ZBBX: variants seen among roughly 807,000 people sequenced by gnomAD.
ZBBX encodes the protein zinc finger B-box domain containing.
Under a neutral mutation model 108.5 loss-of-function variants are expected in ZBBX, and 101 were observed. The ratio of observed to expected loss-of-function variants is 0.93; its 90% CI spans 0.79 to 1.10. The LOEUF is 1.10. ZBBX is among the 50% of genes least tolerant of loss of function. The pLI is 0.00. For synonymous variants in ZBBX, 356 were observed against 323.4 expected, an observed-to-expected ratio of 1.10 and a Z score of -1.08; for missense variants, 1,009 against 941.4, an observed-to-expected ratio of 1.07 and a Z score of -0.94.
At chr3:167,264,584 G>C (rs886227982) in intron 20 of ZBBX, among the ~76,000 whole-genome samples, 13 of 152,136 alleles carry the variant, frequency 8.5e-5, no homozygotes, top group African/African-American at 2.7e-4. Context: ...GTCTTGAAAA[G>C]TTGTTATAGT....
At chr3:167,349,008 T>C (rs1406202526) in intron 9 of ZBBX, among the ~76,000 whole-genome samples, 1 of 151,782 alleles carries the variant, frequency 6.6e-6, no homozygotes, top group Non-Finnish European at 1.5e-5. Context: ...GCAAAGTCTA[T>C]CTTTTGAAAT....
At chr3:167,394,956 G>A (rs957094202) in intron 1 of ZBBX, among the ~76,000 whole-genome samples, 1 of 152,044 alleles carries the variant, frequency 6.6e-6, no homozygotes, top group African/African-American at 2.4e-5. Flanking sequence ...GCTCTGTCTT[G>A]TGAGCCATGA....
intron 11 of ZBBX, among the ~76,000 whole-genome samples, chr3:167,325,030 A>G (rs1030562282): frequency 5.3e-5 from 8 of 152,148 alleles, no homozygotes; most frequent in African/African-American, 1.9e-4. Context: ...ACAAAACACT[A>G]AGATCCAAAT....
At chr3:167,315,917 A>AC in intron 14 of ZBBX, 88 bp from the exon 15 acceptor site, 1 of 746,894 alleles carries the variant, frequency 1.3e-6, no homozygotes. Flanking sequence ...TATTTGGAGT[A>AC]CATTTTTCCT....
intron 1 of ZBBX, among the ~76,000 whole-genome samples, chr3:167,403,681 G>A (rs1408726931): frequency 1.3e-5 from 2 of 152,046 alleles, no homozygotes; most frequent in East Asian, 3.8e-4. Flanking sequence ...AATTTGATGA[G>A]TGTCCTCTAT....
At chr3:167,351,928 C>T (rs566904748) in intron 8 of ZBBX, among the ~76,000 whole-genome samples, 1 of 152,258 alleles carries the variant, frequency 6.6e-6, no homozygotes, top group East Asian at 1.9e-4. Context: ...GAATGTTCTG[C>T]CCTTCCTGGT....
Position 167,375,017 on chromosome 3 carries a change from T to C in ZBBX, c.-131-1230A>G, listed in dbSNP as rs1320556951. 2.6e-5 allele frequency among the ~76,000 whole-genome samples: 4 copies of C among 152,208 alleles called. No homozygotes were observed. In the East Asian group the frequency reaches 7.7e-4, roughly 29 times the overall value. ...GCTGAGGCCCAATAATGAGTGGCTT[T>C]AAATGTCAAGTTTATAGCATTTGGA... On this transcript the variant is annotated intron_variant, in intron 2 of 21. Transcript: ENST00000675490.
chr3:167,241,465 T>A (rs1044257260), intron 21 of ZBBX, among the ~76,000 whole-genome samples: 5 of 152,202 alleles, frequency 3.3e-5, no homozygotes, highest in African/African-American at 1.2e-4. Context: ...ATTTTTAGTA[T>A]TGAATGTCAT....
At chr3:167,398,454 TCA>T (rs1748317661) in intron 1 of ZBBX, among the ~76,000 whole-genome samples, 1 of 152,076 alleles carries the variant, frequency 6.6e-6, no homozygotes, top group Non-Finnish European at 1.5e-5. Context: ...AGAAAATTAT[TCA>T]GTCTGGATTT....
intron 11 of ZBBX, among the ~76,000 whole-genome samples, chr3:167,327,247 A>T (rs1737561767): frequency 1.9e-5 from 2 of 104,090 alleles, no homozygotes; most frequent in Non-Finnish European, 3.8e-5. Context: ...TGTATTTTTA[A>T]GTCAAATATT....
chr3:167,190,363 C>A, the ZBBX span, among the ~76,000 whole-genome samples: 2 of 148,456 alleles, frequency 1.3e-5, no homozygotes, highest in Admixed American at 1.3e-4. Flanking sequence ...CTCTTAGGAA[C>A]TAAAACTTAC....
the ZBBX span, among the ~76,000 whole-genome samples, chr3:167,203,179 G>A: frequency 1.3e-5 from 2 of 152,066 alleles, no homozygotes; most frequent in Non-Finnish European, 2.9e-5. Flanking sequence ...TGTTTCTCCT[G>A]AGGCCTTTGT....
chr3:167,276,341 G>A (rs1321398650), intron 20 of ZBBX, among the ~76,000 whole-genome samples: 1 of 151,388 alleles, frequency 6.6e-6, no homozygotes, highest in Non-Finnish European at 1.5e-5. Context: ...TGAAAACTTT[G>A]AAAAAAATTT....
At chr3:167,353,632 G>A (rs2108509469) in intron 8 of ZBBX, among the ~76,000 whole-genome samples, 1 of 151,966 alleles carries the variant, frequency 6.6e-6, no homozygotes, top group Middle Eastern at 3.4e-3. Flanking sequence ...AACTTCACTT[G>A]TACCAACTAA....
At chr3:167,320,315 G>A (rs1362482193) in intron 12 of ZBBX, among the ~76,000 whole-genome samples, 5 of 149,458 alleles carry the variant, frequency 3.3e-5, no homozygotes, top group East Asian at 1.9e-4. Flanking sequence ...GTCCACAATG[G>A]CCAAGGCAGA....
At chr3:167,181,419 A>G in the ZBBX span, among the ~76,000 whole-genome samples, 6 of 152,176 alleles carry the variant, frequency 3.9e-5, no homozygotes, top group Non-Finnish European at 8.8e-5. Context: ...AATATACTTC[A>G]GGGGCTTTAC....
At chr3:167,220,431 G>A in the ZBBX span, among the ~76,000 whole-genome samples, 8 of 151,856 alleles carry the variant, frequency 5.3e-5, no homozygotes, top group East Asian at 1.9e-4. Context: ...ATGGTTCAAC[G>A]TACACAAATT....
intron 20 of ZBBX, among the ~76,000 whole-genome samples, chr3:167,279,734 T>C (rs1475399812): frequency 6.6e-6 from 1 of 151,730 alleles, no homozygotes; most frequent in Non-Finnish European, 1.5e-5. Context: ...CTTCACAGAA[T>C]TGGAAAAAAC....
chr3:167,203,419 G>A, the ZBBX span, among the ~76,000 whole-genome samples: 1 of 152,050 alleles, frequency 6.6e-6, no homozygotes, highest in African/African-American at 2.4e-5. Context: ...TGAATTTTGA[G>A]GGGACATAAT....
Sources: allele counts gnomAD v4.1 joint callset (sites outside exome capture counted in the v4.1 genomes callset), GRCh38; gene constraint gnomAD v4.1.1; transcripts MANE v1.5; gene names NCBI Gene and HGNC (gene_info 2026-07-23, HGNC 2026-07-21).